Variants in PREX1 observed in about 807,000 individuals in gnomAD.
PREX1 encodes the protein phosphatidylinositol 3,4,5-trisphosphate-dependent Rac exchanger 1 protein.
In PREX1, 41 loss-of-function variants were observed where a neutral mutation model predicts 198.3. The observed-to-expected ratio is 0.21, with a 90% CI of 0.16 to 0.27. The LOEUF (loss-of-function observed/expected upper bound fraction) is 0.27. Ranked by LOEUF, PREX1 falls within the 10% of genes least tolerant of loss-of-function variation. PREX1 has a pLI of 1.00. For missense variants in PREX1, 1,620 were observed against 2,200.7 expected (o/e 0.74, Z 5.28); for synonymous variants, 843 against 887.2 (o/e 0.95, Z 0.89).
chr20:48,718,049 T>C (rs530084929), intron 5 of PREX1, among the ~76,000 whole-genome samples: 1 of 152,216 alleles, frequency 6.6e-6, no homozygotes, highest in African/African-American at 2.4e-5. Context: ...ATGTGTGTCC[T>C]CTAGTCTGCC....
At chr20:48,646,978 C>T (rs1377952665) in intron 25 of PREX1, among the ~76,000 whole-genome samples, 1 of 152,244 alleles carries the variant, frequency 6.6e-6, no homozygotes, top group East Asian at 1.9e-4. Context: ...CAGTGGCTCA[C>T]GCCTGTAATC....
At chr20:48,637,626 T>C in intron 31 of PREX1, 85 bp downstream of exon 31, 4 of 1,356,656 alleles carry the variant, frequency 2.9e-6, no homozygotes, top group Non-Finnish European at 4.0e-6. Context: ...CCTCCCCCCG[T>C]CCAGGCCCCG....
At chr20:48,728,157 T>C (rs2090394085) in intron 4 of PREX1, among the ~76,000 whole-genome samples, 2 of 152,344 alleles carry the variant, frequency 1.3e-5, no homozygotes, top group East Asian at 1.9e-4. Context: ...CAAATACACA[T>C]TGTGTGCTGT....
intron 19 of PREX1, among the ~76,000 whole-genome samples, chr20:48,654,249 G>A (rs1168430470): frequency 6.6e-6 from 1 of 152,266 alleles, no homozygotes; most frequent in African/African-American, 2.4e-5. Context: ...TAACACGTGT[G>A]CAGCATTTAG....
intron 10 of PREX1, among the ~76,000 whole-genome samples, chr20:48,681,599 G>A (rs1344284850): frequency 6.6e-6 from 1 of 152,128 alleles, no homozygotes; most frequent in South Asian, 2.1e-4. Context: ...AGGAAGGAAG[G>A]AAGGGAGAGA....
intron 1 of PREX1, among the ~76,000 whole-genome samples, chr20:48,758,854 T>C (rs941622021): frequency 1.3e-5 from 2 of 152,126 alleles, no homozygotes; most frequent in African/African-American, 4.8e-5. Flanking sequence ...ACAGCACCTG[T>C]CACCATGGAC....
intron 1 of PREX1, among the ~76,000 whole-genome samples, chr20:48,760,044 A>G (rs2869674): frequency 0.34 from 51,753 of 151,770 alleles, 10,293 homozygotes; most frequent in Non-Finnish European, 0.43. Context: ...CCTAGGAGGC[A>G]GAGGTTGCAG....
Position 48,646,054 on chromosome 20 carries a change from C to T in PREX1, c.3309G>A (p.Leu1103=). Residue 1103 remains leucine, a synonymous_variant, in exon 26 of 40, where the codon CTG becomes CTA. Transcript: ENST00000371941. ...AGGTGGGCTCTGTGATGGTGGACAG[C>T]AGCCTACGGAAGCAAAGACCTTGAA... The part of the protein sequence containing the change: ...MKQYVTQINR[L]LSTITEPTSG... 6.2e-7 allele frequency: 1 copy of T among 1,613,304 alleles called. No individual in the cohort carries two copies. Among genetic ancestry groups the T allele is most frequent in the Non-Finnish European group, 8.5e-7 (1 of 1,179,974 alleles).
At chr20:48,884,972 A>G in the PREX1 span, among the ~76,000 whole-genome samples, 1 of 152,174 alleles carries the variant, frequency 6.6e-6, no homozygotes. Context: ...TGCATGAAAG[A>G]GCCTGACCAC....
the PREX1 span, among the ~76,000 whole-genome samples, chr20:48,880,153 C>T: frequency 6.6e-6 from 1 of 152,182 alleles, no homozygotes; most frequent in Non-Finnish European, 1.5e-5. Flanking sequence ...AACCCATGTG[C>T]TCAATTGTGT....
At chr20:48,774,808 C>T (rs992249543) in intron 1 of PREX1, among the ~76,000 whole-genome samples, 1 of 152,252 alleles carries the variant, frequency 6.6e-6, no homozygotes, top group African/African-American at 2.4e-5. Context: ...GCTGCCCTGG[C>T]CAGGCACATG....
chr20:48,702,402 C>G (rs980773967), intron 6 of PREX1, among the ~76,000 whole-genome samples: 7 of 152,162 alleles, frequency 4.6e-5, no homozygotes, highest in African/African-American at 1.4e-4. Flanking sequence ...GAGGCAGCCC[C>G]TCCGCTGACC....
intron 1 of PREX1, among the ~76,000 whole-genome samples, chr20:48,801,297 A>G (rs1465567379): frequency 2.0e-5 from 3 of 152,334 alleles, no homozygotes; most frequent in East Asian, 1.9e-4. Context: ...TGCCTCATGC[A>G]TCGGTGACAC....
chr20:48,654,895 C>T (rs572563038), intron 19 of PREX1, among the ~76,000 whole-genome samples: 1 of 152,288 alleles, frequency 6.6e-6, no homozygotes, highest in Non-Finnish European at 1.5e-5. Flanking sequence ...CGGCTGGATC[C>T]GGCCATAGAA....
intron 38 of PREX1, 35 bp from the exon 39 acceptor site, chr20:48,627,650 A>C: frequency 1.1e-6 from 1 of 939,784 alleles, no homozygotes; most frequent in Non-Finnish European, 1.6e-6. Flanking sequence ...GGGCCTCTGC[A>C]GGTTCAGGGC....
At chr20:48,671,137 G>T (rs751257154) in intron 14 of PREX1, among the ~76,000 whole-genome samples, 1 of 152,166 alleles carries the variant, frequency 6.6e-6, no homozygotes, top group African/African-American at 2.4e-5. Flanking sequence ...CAGCAATCTC[G>T]GTTCTCTTCC....
chr20:48,851,373 G>T, the PREX1 span, among the ~76,000 whole-genome samples: 1 of 152,188 alleles, frequency 6.6e-6, no homozygotes. Flanking sequence ...CAGGCGTGGT[G>T]GCAGGTGCTT....
intron 29 of PREX1, among the ~76,000 whole-genome samples, chr20:48,641,107 G>A (rs1160308941): frequency 6.6e-6 from 1 of 152,076 alleles, no homozygotes; most frequent in East Asian, 1.9e-4. Context: ...TGAGTAGGGT[G>A]GGTAGGTGGG....
At chr20:48,828,249 C>G (rs966026977), upstream of PREX1, among the ~76,000 whole-genome samples, 4 of 151,484 alleles carry the variant, frequency 2.6e-5, no homozygotes, top group Non-Finnish European at 4.4e-5. Flanking sequence ...GGAAGGGCCC[C>G]GCGGAGCCGG....
Sources: gnomAD v4.1 joint callset for allele counts (sites outside exome capture counted in the v4.1 genomes callset) on GRCh38, gnomAD v4.1.1 for gene constraint, MANE v1.5 for transcripts, NCBI Gene and HGNC (gene_info 2026-07-23, HGNC 2026-07-21) for gene names.